The following RABGAP1L variants were observed in gnomAD, a reference collection of about 807,000 sequenced individuals.
RABGAP1L encodes rab GTPase-activating protein 1-like.
Under a neutral mutation model 137.7 loss-of-function variants are expected in RABGAP1L, and 63 were observed. The ratio of observed to expected loss-of-function variants is 0.46; its 90% confidence interval spans 0.37 to 0.56. RABGAP1L has a LOEUF of 0.56. Among genes scored for constraint, RABGAP1L ranks in the 20% least tolerant of loss-of-function variants. The pLI, the probability that RABGAP1L is intolerant of heterozygous loss-of-function variation, is 0.00. For synonymous variants in RABGAP1L, 431 were observed against 433.7 expected, an observed-to-expected ratio of 0.99 and a Z score of 0.08; for missense variants, 1,095 against 1,244.0, an observed-to-expected ratio of 0.88 and a Z score of 1.80.
intron 21 of RABGAP1L, among the ~76,000 whole-genome samples, chr1:174,973,000 TAAGTG>T (rs1225961653): frequency 3.3e-5 from 5 of 152,154 alleles, no homozygotes; most frequent in African/African-American, 9.7e-5. Flanking sequence ...AATTCCTACT[TAAGTG>T]AGGTATAGTG....
intron 13 of RABGAP1L, among the ~76,000 whole-genome samples, chr1:174,544,377 C>A (rs1665797005): frequency 6.6e-6 from 1 of 152,136 alleles, no homozygotes; most frequent in Non-Finnish European, 1.5e-5. Context: ...CTTTCTTCCA[C>A]TTGATTTAAT....
At chr1:174,368,304 A>C (rs548796327) in intron 11 of RABGAP1L, among the ~76,000 whole-genome samples, 1 of 152,254 alleles carries the variant, frequency 6.6e-6, no homozygotes, top group African/African-American at 2.4e-5. Context: ...GCAGTGATAC[A>C]CTAAGAATCC....
chr1:174,283,449 TTGAC>T (rs1480027019), intron 10 of RABGAP1L, among the ~76,000 whole-genome samples: 2 of 151,942 alleles, frequency 1.3e-5, no homozygotes, highest in Non-Finnish European at 2.9e-5. Context: ...TTCCCAGATT[TTGAC>T]TGAGAATGCC....
intron 19 of RABGAP1L, among the ~76,000 whole-genome samples, chr1:174,884,664 A>C (rs1181099638): frequency 6.6e-6 from 1 of 152,252 alleles, no homozygotes; most frequent in Non-Finnish European, 1.5e-5. Flanking sequence ...AAGGGATTTT[A>C]TCACGTGGAC....
intron 18 of RABGAP1L, among the ~76,000 whole-genome samples, chr1:174,786,067 G>A (rs916049233): frequency 2.0e-5 from 3 of 152,188 alleles, no homozygotes; most frequent in African/African-American, 7.2e-5. Context: ...GCATTTACTT[G>A]TAGTTTTTAT....
chr1:174,543,546 C>T (rs1357860762), intron 13 of RABGAP1L, among the ~76,000 whole-genome samples: 1 of 152,134 alleles, frequency 6.6e-6, no homozygotes, highest in Non-Finnish European at 1.5e-5. Context: ...GACTCTTTAT[C>T]CAATTTAACA....
At chr1:174,406,484 A>G (rs1343318207) in intron 13 of RABGAP1L, among the ~76,000 whole-genome samples, 1 of 152,222 alleles carries the variant, frequency 6.6e-6, no homozygotes, top group Non-Finnish European at 1.5e-5. Context: ...AGCATAGATC[A>G]TTTCATGGCT....
chr1:174,931,006 G>C (rs57288772), intron 19 of RABGAP1L, among the ~76,000 whole-genome samples: 1 of 152,104 alleles, frequency 6.6e-6, no homozygotes, highest in East Asian at 1.9e-4. Context: ...CCCAAATGTA[G>C]TGGGATTTTT....
At chr1:174,958,497 A>G (rs981389671) in intron 20 of RABGAP1L, among the ~76,000 whole-genome samples, 1 of 152,206 alleles carries the variant, frequency 6.6e-6, no homozygotes, top group Non-Finnish European at 1.5e-5. Context: ...AGAATACTGT[A>G]TTTTCAGCAC....
At chr1:174,677,830 G>A (rs1677755067) in intron 14 of RABGAP1L, among the ~76,000 whole-genome samples, 1 of 151,968 alleles carries the variant, frequency 6.6e-6, no homozygotes, top group African/African-American at 2.4e-5. Context: ...AAAGAAGATA[G>A]ATCTAAGTTT....
intron 19 of RABGAP1L, among the ~76,000 whole-genome samples, chr1:174,868,538 A>C (rs529396846): frequency 1.1e-4 from 16 of 152,310 alleles, no homozygotes; most frequent in Admixed American, 6.5e-4. Flanking sequence ...CTTTTGACTC[A>C]AGATAAAAAT....
intron 19 of RABGAP1L, among the ~76,000 whole-genome samples, chr1:174,890,574 C>A (rs1426537749): frequency 6.6e-6 from 1 of 152,182 alleles, no homozygotes; most frequent in African/African-American, 2.4e-5. Context: ...CACACAGTAT[C>A]AGAATTTCAA....
chr1:174,632,538 C>T (rs921200211), intron 13 of RABGAP1L, among the ~76,000 whole-genome samples: 7 of 150,582 alleles, frequency 4.6e-5, no homozygotes, highest in East Asian at 3.9e-4. Flanking sequence ...ACCAATCAGA[C>T]GTAGATTTGG....
intron 1 of RABGAP1L, among the ~76,000 whole-genome samples, chr1:174,189,096 C>T (rs1667019206): frequency 6.6e-6 from 1 of 152,158 alleles, no homozygotes; most frequent in Non-Finnish European, 1.5e-5. Flanking sequence ...AGCTCCGCCT[C>T]CTGGGTTCAC....
chr1:174,491,401 A>G (rs1660217256), intron 13 of RABGAP1L, among the ~76,000 whole-genome samples: 1 of 151,872 alleles, frequency 6.6e-6, no homozygotes, highest in Admixed American at 6.6e-5. Flanking sequence ...GTCTCACAAC[A>G]TTGTCTGGTA....
intron 14 of RABGAP1L, among the ~76,000 whole-genome samples, chr1:174,648,087 T>A (rs1217803521): frequency 6.6e-6 from 1 of 152,124 alleles, no homozygotes; most frequent in Non-Finnish European, 1.5e-5. Flanking sequence ...ATTTGATTCT[T>A]CTCTCTTTTC....
intron 13 of RABGAP1L, among the ~76,000 whole-genome samples, chr1:174,611,526 C>A (rs1304055578): frequency 1.3e-5 from 2 of 148,514 alleles, no homozygotes; most frequent in East Asian, 2.0e-4. Context: ...TTAGGATTGA[C>A]TTGGCGATGC....
At chr1:174,495,496 T>C (rs1572051530) in intron 13 of RABGAP1L, among the ~76,000 whole-genome samples, 1 of 152,178 alleles carries the variant, frequency 6.6e-6, no homozygotes, top group East Asian at 1.9e-4. Context: ...CTTATCTTAA[T>C]GTAAAATACT....
At chr1:174,243,661 A>G (rs776698001) in intron 5 of RABGAP1L, among the ~76,000 whole-genome samples, 5 of 152,220 alleles carry the variant, frequency 3.3e-5, no homozygotes, top group Non-Finnish European at 7.3e-5. Flanking sequence ...ACCAGGTTGG[A>G]CTTATTAGAC....
Sources: gnomAD v4.1 joint callset for allele counts (sites outside exome capture counted in the v4.1 genomes callset) on GRCh38, gnomAD v4.1.1 for gene constraint, MANE v1.5 for transcripts, NCBI Gene and HGNC (gene_info 2026-07-23, HGNC 2026-07-21) for gene names.